The following SLC43A2 variants were observed in gnomAD, a reference collection of about 807,000 sequenced individuals.
SLC43A2 encodes solute carrier family 43 member 2.
Under a neutral mutation model 63.2 loss-of-function variants are expected in SLC43A2, and 38 were observed. The ratio of observed to expected loss-of-function variants is 0.60; its 90% CI spans 0.46 to 0.79. SLC43A2 has a LOEUF of 0.79. Ranked by LOEUF, SLC43A2 falls within the 30% of genes least tolerant of loss-of-function variation. The pLI is 0.00. For missense variants in SLC43A2, 644 were observed against 756.2 expected, an observed-to-expected ratio of 0.85 and a Z score of 1.74; for synonymous variants, 322 against 331.0, an observed-to-expected ratio of 0.97 and a Z score of 0.30.
intron 3 of SLC43A2, among the ~76,000 whole-genome samples, chr17:1,615,569 C>A (rs1266849541): frequency 6.7e-6 from 1 of 149,590 alleles, no homozygotes; most frequent in Non-Finnish European, 1.5e-5. Flanking sequence ...AGGGGCCAGG[C>A]ACGATGGCTC....
chr17:1,591,735 G>GGGGGGGGGGGGGGGAA, intron 6 of SLC43A2, 36 bp from the exon 7 acceptor site: 2 of 652,928 alleles, frequency 3.1e-6, no homozygotes, highest in Non-Finnish European at 2.5e-6. Context: ...GGGGGGGGGA[G>GGGGGGGGGGGGGGGAA]GGGGCAGAGT....
intron 2 of SLC43A2, among the ~76,000 whole-genome samples, chr17:1,619,744 C>T (rs1438088583): frequency 1.3e-5 from 2 of 152,184 alleles, no homozygotes; most frequent in African/African-American, 4.8e-5. Context: ...AAGAGGGTCT[C>T]TACAAAGCAA....
At position 1,575,401 on chromosome 17, in the gene SLC43A2, G is replaced by T; in HGVS notation, c.*203C>A. 1 of 665,440 alleles carries T rather than the reference G, an allele frequency of 1.5e-6. No homozygotes were observed. 41.2% of individuals were successfully genotyped at this position (665,440 alleles called of 1,614,324 possible). ...AGAGCAAAGTCAGGGCAGCCCCTGC[G>T]TTCGGCAGGAGAAAACGCGCGTGTC... On this transcript the variant is annotated 3_prime_UTR_variant, in exon 14 of 14. Transcript: ENST00000301335.
chr17:1,604,546 T>C, intron 5 of SLC43A2: 2 of 648,342 alleles, frequency 3.1e-6, no homozygotes, highest in South Asian at 3.9e-5. Flanking sequence ...ACCACACTGA[T>C]GCTGAACTTA....
At chr17:1,615,660 A>G (rs370388691) in intron 3 of SLC43A2, among the ~76,000 whole-genome samples, 2,357 of 149,498 alleles carry the variant, frequency 0.016, 27 homozygotes, top group South Asian at 0.033. Flanking sequence ...TGGCTAACAC[A>G]GTGAAACCCC....
rs936284623 is a variant in SLC43A2, at chr17:1,573,620, CT to C, written c.*1983del. The stretch of plus-strand genomic sequence containing the variant: ...GGAGTGGGCATGTTTATCTCGTTCT[CT>C]TTTTTTTTTTCTTTTTGAGACGGAG... On this transcript the variant is annotated 3_prime_UTR_variant, in exon 14 of 14. Coordinates refer to ENST00000301335, the MANE Select transcript of SLC43A2 (RefSeq NM_152346.3). The C allele has an allele frequency of 2.2e-4, 32 of 148,542 alleles. No individual in the cohort carries two copies. Among genetic ancestry groups the C allele is most frequent in the Admixed American group, 1.1e-3 (17 of 14,838 alleles). The allele number at this position is 148,542 out of a possible 1,614,324, so 9.2% of individuals were successfully genotyped here.
chr17:1,591,972 A>G (rs1904857338), intron 6 of SLC43A2, among the ~76,000 whole-genome samples: 1 of 152,190 alleles, frequency 6.6e-6, no homozygotes, highest in Non-Finnish European at 1.5e-5. Flanking sequence ...TGACCACGGC[A>G]CGTCTTGCAG....
chr17:1,591,968 C>T (rs1442767495), intron 6 of SLC43A2, among the ~76,000 whole-genome samples: 1 of 152,222 alleles, frequency 6.6e-6, no homozygotes, highest in Non-Finnish European at 1.5e-5. Context: ...GCCATGACCA[C>T]GGCACGTCTT....
rs2076054835 is a variant in SLC43A2, at chr17:1,583,648, G to A, written c.1218-312C>T. ...GAAGTAGCAGCGTGTGCCTGAGCTG[G>A]CACATGGCAAAGCCTCACTTCACCA... On this transcript the variant is annotated intron_variant, in intron 10 of 13. Transcript: ENST00000301335. This position sits in a 1 kb window ranked among gnomAD's most constrained non-coding sequence, Gnocchi z 5.5. 2 of 291,680 alleles carry A rather than the reference G, an allele frequency of 6.9e-6. No homozygotes were observed. Among genetic ancestry groups the A allele is most frequent in the Non-Finnish European group, 6.5e-6 (1 of 153,470 alleles). The allele number at this position is 291,680 out of a possible 1,614,324, so 18.1% of individuals were successfully genotyped here. A position where few individuals can be genotyped will look rare whatever the true frequency, so the allele number is the denominator to read the frequency against.
intron 4 of SLC43A2, among the ~76,000 whole-genome samples, chr17:1,613,771 A>G (rs530857647): frequency 9.2e-5 from 14 of 152,202 alleles, no homozygotes; most frequent in Non-Finnish European, 2.1e-4. Flanking sequence ...TGGGCTCTTG[A>G]AAAAGCTGCA....
chr17:1,604,187 T>C (rs12939592), intron 5 of SLC43A2, among the ~76,000 whole-genome samples: 1 of 3,202 alleles, frequency 3.1e-4, no homozygotes, highest in African/African-American at 4.1e-4. Flanking sequence ...ATTACAGGCA[T>C]GTGCCACTAC....
At chr17:1,586,927 A>AGGGGCCCCCC in intron 9 of SLC43A2, 19 of 1,355,848 alleles carry the variant, frequency 1.4e-5, no homozygotes, top group Non-Finnish European at 1.6e-5. Context: ...TTCCCTGACA[A>AGGGGCCCCCC]TCCCCCCCAC....
chr17:1,589,538 C>T (rs1904548026), intron 9 of SLC43A2, among the ~76,000 whole-genome samples: 1 of 152,146 alleles, frequency 6.6e-6, no homozygotes, highest in African/African-American at 2.4e-5. Flanking sequence ...CCAGCCTAAG[C>T]AACGCAGAAA....
intron 11 of SLC43A2, among the ~76,000 whole-genome samples, chr17:1,581,470 G>A (rs954910956): frequency 1.3e-5 from 2 of 152,204 alleles, no homozygotes; most frequent in African/African-American, 2.4e-5. Context: ...CGCTCTGCAC[G>A]CCCAGTGTTG....
At chr17:1,595,185 G>T (rs2151050979) in intron 5 of SLC43A2, among the ~76,000 whole-genome samples, 1 of 152,020 alleles carries the variant, frequency 6.6e-6, no homozygotes, top group Non-Finnish European at 1.5e-5. Context: ...GGAGGCTGAG[G>T]CAGGAAAATG....
At position 1,578,479 on chromosome 17, in the gene SLC43A2, T is replaced by C. The variant is rs928772873; in HGVS notation, c.1351-156A>G. On this transcript the variant is annotated intron_variant, in intron 11 of 13. Transcript: ENST00000301335. This position sits in a 1 kb window ranked among gnomAD's most constrained non-coding sequence, Gnocchi z 6.5. ...GGAGCCAATTGTGAATTTTCAGAAA[T>C]TTTGCAAGCCAGTCGTTAACACAGT... 4 of 615,324 alleles carry C rather than the reference T, an allele frequency of 6.5e-6. No homozygotes were observed. Among genetic ancestry groups the C allele is most frequent in the African/African-American group, 3.7e-5 (2 of 53,958 alleles). The allele number at this position is 615,324 out of a possible 1,614,324, so 38.1% of individuals were successfully genotyped here. A position where few individuals can be genotyped will look rare whatever the true frequency, so the allele number is the denominator to read the frequency against.
rs189632299 is a variant in SLC43A2, at chr17:1,581,898, C to T, written c.1350+1306G>A. On this transcript the variant is annotated intron_variant, in intron 11 of 13. Coordinates refer to ENST00000301335, the MANE Select transcript of SLC43A2 (RefSeq NM_152346.3). The stretch of plus-strand genomic sequence containing the variant: ...TCGGCTCACTGCAACCTCTGCCACC[C>T]GGATTCAAGCAATTCTCCTGCCTCA... Among the ~76,000 whole-genome samples, 11 of 151,766 alleles carry T rather than the reference C, an allele frequency of 7.2e-5. No homozygotes were observed. In the East Asian group the frequency reaches 9.7e-4, roughly 13 times the overall value.
At position 1,605,583 on chromosome 17, in the gene SLC43A2, CGGAGCTGGGAGGTGGGTGGGGGCTGG is replaced by C. The variant is rs1194135932; in HGVS notation, c.501+7586_501+7611del. 2.2e-4 allele frequency among the ~76,000 whole-genome samples: 5 copies of C among 22,332 alleles called. No individual in the cohort carries two copies. Among genetic ancestry groups the C allele is most frequent in the South Asian group, 1.5e-3 (1 of 656 alleles). The allele number at this position is 22,332 out of a possible 152,430, so 14.7% of individuals were successfully genotyped here. A position where few individuals can be genotyped will look rare whatever the true frequency, so the allele number is the denominator to read the frequency against. On this transcript the variant is annotated intron_variant, in intron 5 of 13. Coordinates refer to ENST00000301335, the MANE Select transcript of SLC43A2 (RefSeq NM_152346.3). This position sits in a 1 kb window ranked among gnomAD's most constrained non-coding sequence, Gnocchi z 4.9. Reference sequence around the variant, plus strand: ...GGAGCTGGGTGGTGGGTGGGGGCTGCGGAGCTGGGAGGTGGGTGGGGGCTGGGGAGCTGGGTGGTGGGTGGGGGCTG... The same window carrying C: ...GGAGCTGGGTGGTGGGTGGGGGCTGCGGAGCTGGGTGGTGGGTGGGGGCTG...
chr17:1,618,538 G>A (rs1907884824), intron 2 of SLC43A2, among the ~76,000 whole-genome samples: 2 of 152,256 alleles, frequency 1.3e-5, no homozygotes, highest in Admixed American at 6.5e-5. Context: ...GCTGTGGGGA[G>A]CACAGTCCCG....
Sources: allele counts gnomAD v4.1 joint callset (sites outside exome capture counted in the v4.1 genomes callset), GRCh38; gene constraint gnomAD v4.1.1; non-coding constraint Gnocchi (gnomAD v3.1); transcripts MANE v1.5; gene names NCBI Gene and HGNC (gene_info 2026-07-23, HGNC 2026-07-21).